The following PAPSS2 variants were observed in gnomAD, a reference collection of about 807,000 sequenced individuals.
PAPSS2 encodes the protein 3'-phosphoadenosine 5'-phosphosulfate synthase 2, also known as bifunctional 3'-phosphoadenosine 5'-phosphosulfate synthase 2.
PAPSS2 carries 61 observed loss-of-function variants against 66.5 expected under a neutral mutation model. The observed-to-expected ratio is 0.92, with a 90% confidence interval of 0.75 to 1.14. The LOEUF (loss-of-function observed/expected upper bound fraction) is 1.14. Among genes scored for constraint, PAPSS2 ranks in the 50% most tolerant of loss-of-function variants. The probability of loss-of-function intolerance (pLI) is 0.00; values close to 1 mark genes in which losing one functional copy is unlikely to be tolerated. For synonymous variants in PAPSS2, 289 were observed against 287.5 expected (o/e 1.01, Z -0.05); for missense variants, 708 against 789.6 (o/e 0.90, Z 1.24).
chr10:87,698,702 C>T (rs527743279), intron 1 of PAPSS2, among the ~76,000 whole-genome samples: 2 of 152,100 alleles, frequency 1.3e-5, no homozygotes, highest in African/African-American at 2.4e-5. Flanking sequence ...TACTTACGAA[C>T]GATATTTTCC....
chr10:87,736,285 TGAGACAGAGTCTTACTCTG>T (rs1853799841), intron 9 of PAPSS2, among the ~76,000 whole-genome samples: 1 of 126,576 alleles, frequency 7.9e-6, no homozygotes. Context: ...TTTTTTTTTT[TGAGACAGAGTCTTACTCTG>T]TTGCCCAGGC....
chr10:87,706,106 ATATGTGTGTGTGTGTG>A (rs1363917631), intron 1 of PAPSS2, among the ~76,000 whole-genome samples: 1 of 85,248 alleles, frequency 1.2e-5, no homozygotes, highest in East Asian at 3.3e-4. Flanking sequence ...ATATATATAT[ATATGTGTGTGTGTGTG>A]TGTGTGTGTG....
rs1852724924 is a variant in PAPSS2, at chr10:87,659,893, T to TGCC, written c.-87_-86insCGC. On this transcript the variant is annotated 5_prime_UTR_variant, in exon 1 of 13. Transcript: ENST00000456849. ...GGAGTCCGGCAGCCGCTGCTGCTGCTGCTGCTGCTGCTGCCGCCGCCGCCG... is the reference window on the plus strand; with the variant it reads ...GGAGTCCGGCAGCCGCTGCTGCTGCTGCCGCTGCTGCTGCTGCCGCCGCCGCCG... The TGCC allele has an allele frequency of 1.8e-5, 24 of 1,326,250 alleles. No homozygotes were observed. In the East Asian group the frequency reaches 5.6e-4, roughly 31 times the overall value. 82.2% of individuals were successfully genotyped at this position (1,326,250 alleles called of 1,614,324 possible).
Position 87,746,116 on chromosome 10 carries a change from AATAT to A in PAPSS2, c.*156_*159del. Reference sequence around the variant, plus strand: ...AAAGTTGTGTCTATAATTAAAAAAAAATATATATATATACACACACACATATACA... The same window carrying A: ...AAAGTTGTGTCTATAATTAAAAAAAAATATATATACACACACACATATACA... On this transcript the variant is annotated 3_prime_UTR_variant, in exon 13 of 13. Coordinates refer to ENST00000456849, the MANE Select transcript of PAPSS2 (RefSeq NM_001015880.2). 1 of 597,872 alleles carries A rather than the reference AATAT, an allele frequency of 1.7e-6. No homozygotes were observed. Among genetic ancestry groups the A allele is most frequent in the South Asian group, 2.2e-5 (1 of 45,620 alleles). 37.0% of individuals were successfully genotyped at this position (597,872 alleles called of 1,614,324 possible).
chr10:87,709,338 T>C, intron 2 of PAPSS2, 25 bp downstream of exon 2: 1 of 1,290,492 alleles, frequency 7.7e-7, no homozygotes, highest in Non-Finnish European at 1.1e-6. Flanking sequence ...TATATATATA[T>C]ATATATACAA....
chr10:87,714,600 G>A (rs1296739280), intron 4 of PAPSS2, 145 bp from the exon 5 acceptor site: 19 of 685,482 alleles, frequency 2.8e-5, no homozygotes. Context: ...CTTATGGCTA[G>A]AAGTCAAGGA....
Position 87,727,377 on chromosome 10 carries a change from A to G in PAPSS2, c.974A>G (p.His325Arg). The change falls in exon 9 of 13, where the codon CAT becomes CGT. Residue 325 changes from histidine to arginine, a missense_variant. Transcript: ENST00000456849. ...GGGTGCAGCAAGTTTGTCCTGGCAC[A>G]TGGTGGACGGAGGGTAGCTATCTTA... is the stretch of plus-strand genomic sequence containing the variant. ...LEGCSKFVLA[H>R]GGRRVAILRD... 2.5e-6 allele frequency: 4 copies of G among 1,614,080 alleles called. No homozygotes were observed. The highest frequency in any genetic ancestry group is 2.2e-5 in the East Asian group (1 of 44,858).
At chr10:87,689,079 G>T (rs937491708) in intron 1 of PAPSS2, among the ~76,000 whole-genome samples, 1 of 152,036 alleles carries the variant, frequency 6.6e-6, no homozygotes, top group African/African-American at 2.4e-5. Context: ...GGTGGCTCAC[G>T]CCTGTAATCC....
chr10:87,707,177 G>A (rs1001831749), intron 1 of PAPSS2, among the ~76,000 whole-genome samples: 1 of 152,144 alleles, frequency 6.6e-6, no homozygotes, highest in Admixed American at 6.5e-5. Context: ...AAAGGGCCAC[G>A]CAGGAAAGGA....
In PAPSS2 at chr10:87,744,985, T is replaced by C. The variant is rs1853917433; in HGVS notation, c.1492-17T>C. The C allele has an allele frequency of 6.2e-7, 1 of 1,607,742 alleles. No individual in the cohort carries two copies. Among genetic ancestry groups the C allele is most frequent in the Non-Finnish European group, 8.5e-7 (1 of 1,174,466 alleles). ...TGACCCACAATGACCAGCATGTCCC[T>C]TATGGACATTTTCTAGGTCCAGTGG... On this transcript the variant is annotated splice_polypyrimidine_tract_variant and intron_variant, in intron 11 of 12. Transcript: ENST00000456849.
rs751227066 is a variant in PAPSS2 at position 87,721,761 on chromosome 10, G to A, written c.871G>A (p.Ala291Thr). The A allele has an allele frequency of 3.3e-6, 5 of 1,526,174 alleles. No homozygotes were observed. In the African/African-American group the frequency reaches 5.5e-5, roughly 17 times the overall value. 94.5% of individuals were successfully genotyped at this position (1,526,174 alleles called of 1,614,324 possible). ...TTGTGTTTATATTTCCCTAGGCATG[G>A]CCCTTCCTGGTATGTACTTTAACTT... ...MHFDTLLDGM[A>T]LPDGVINMSI... Residue 291 changes from alanine (A) to threonine (T), a missense_variant, in exon 8 of 13, where the codon GCC (alanine) becomes ACC (threonine). By Grantham distance (58) the Ala-to-Thr change is moderately conservative. Coordinates refer to ENST00000456849, the MANE Select transcript of PAPSS2 (RefSeq NM_001015880.2).
At chr10:87,740,605 AAAC>A in intron 9 of PAPSS2, among the ~76,000 whole-genome samples, 1 of 152,376 alleles carries the variant, frequency 6.6e-6, no homozygotes, top group South Asian at 2.1e-4. Context: ...AGTCCAACTT[AAAC>A]CTTTAAGAAA....
chr10:87,743,281 G>A (rs894492222), intron 10 of PAPSS2, 92 bp from the exon 11 acceptor site: 33 of 1,226,876 alleles, frequency 2.7e-5, no homozygotes, highest in Non-Finnish European at 3.6e-5. Flanking sequence ...TGAATGCACA[G>A]AACAATAAAC....
chr10:87,669,677 T>C (rs1852853437), intron 1 of PAPSS2, among the ~76,000 whole-genome samples: 1 of 152,254 alleles, frequency 6.6e-6, no homozygotes, highest in African/African-American at 2.4e-5. Context: ...TTGTATTCTG[T>C]TCATTGCCAC....
At chr10:87,745,748 C>G in intron 12 of PAPSS2, 84 bp from the exon 13 acceptor site, 1 of 1,421,410 alleles carries the variant, frequency 7.0e-7, no homozygotes, top group Non-Finnish European at 9.9e-7. Flanking sequence ...GAACATGGGT[C>G]TCAAAAACCA....
At chr10:87,685,165 T>C (rs1473377244) in intron 1 of PAPSS2, among the ~76,000 whole-genome samples, 1 of 152,168 alleles carries the variant, frequency 6.6e-6, no homozygotes, top group Non-Finnish European at 1.5e-5. Flanking sequence ...CAAAAGCATA[T>C]TTAAAAGCCA....
intron 10 of PAPSS2, 85 bp from the exon 11 acceptor site, chr10:87,743,288 A>T (rs1194608368): frequency 2.4e-5 from 34 of 1,414,464 alleles, no homozygotes; most frequent in Admixed American, 3.4e-5. Context: ...ACAGAACAAT[A>T]AACATAGCTG....
At chr10:87,738,427 GTGTGTGTGTGTGTC>G (rs1853827660) in intron 9 of PAPSS2, among the ~76,000 whole-genome samples, 1 of 136,346 alleles carries the variant, frequency 7.3e-6, no homozygotes, top group South Asian at 2.3e-4. Context: ...ATGTGTGTGT[GTGTGTGTGTGTGTC>G]TCTGTCACCC....
intron 7 of PAPSS2, among the ~76,000 whole-genome samples, chr10:87,718,621 T>C (rs1328169640): frequency 1.3e-5 from 2 of 152,228 alleles, no homozygotes; most frequent in Non-Finnish European, 2.9e-5. Flanking sequence ...CATGTGCCAC[T>C]TGCTGTGTGA....
Sources: gnomAD v4.1 joint callset for allele counts (sites outside exome capture counted in the v4.1 genomes callset) on GRCh38, gnomAD v4.1.1 for gene constraint, MANE v1.5 for transcripts, NCBI Gene and HGNC (gene_info 2026-07-23, HGNC 2026-07-21) for gene names.